MB21D2: variants seen among roughly 807,000 people sequenced by gnomAD.
MB21D2 encodes the protein Mab-21 domain containing 2, also known as nucleotidyltransferase MB21D2.
Under a neutral mutation model 33.3 loss-of-function variants are expected in MB21D2, and 9 were observed. That is an observed-to-expected ratio of 0.27 (90% CI 0.16 to 0.47). The LOEUF (loss-of-function observed/expected upper bound fraction) is 0.47, where lower values mean the gene tolerates loss of function less well. MB21D2 is among the 20% of genes least tolerant of loss of function. MB21D2 has a pLI of 0.99. For synonymous variants in MB21D2, 241 were observed against 236.3 expected, an observed-to-expected ratio of 1.02 and a Z score of -0.18; for missense variants, 540 against 624.6, an observed-to-expected ratio of 0.86 and a Z score of 1.44.
chr3:192,916,215 G>A (rs1165235277), intron 1 of MB21D2, among the ~76,000 whole-genome samples: 2 of 151,752 alleles, frequency 1.3e-5, no homozygotes, highest in Non-Finnish European at 2.9e-5. Context: ...GAAGAGTGCG[G>A]CGCAAAAGGT....
rs117556274 is a variant in MB21D2 at position 192,806,987 on chromosome 3, T to C, written c.212-7337A>G. Among the ~76,000 whole-genome samples the C allele has an allele frequency of 3.7e-4, 56 of 152,256 alleles. No homozygotes were observed. In the East Asian group the frequency reaches 0.01, roughly 27 times the overall value. ...TAGAATAACAACTGGTACAAGTTTG[T>C]TGGGTGGCCACAGGAATAAAATGAG... On this transcript the variant is annotated intron_variant, in intron 1 of 1. Coordinates refer to ENST00000392452, the MANE Select transcript of MB21D2 (RefSeq NM_178496.4).
chr3:192,815,123 C>T (rs978284321), intron 1 of MB21D2, among the ~76,000 whole-genome samples: 2 of 152,122 alleles, frequency 1.3e-5, no homozygotes, highest in African/African-American at 2.4e-5. Flanking sequence ...AGTTAAAATT[C>T]GCTAAGTCTT....
At chr3:192,899,117 G>A (rs1368767715) in intron 1 of MB21D2, among the ~76,000 whole-genome samples, 6 of 152,220 alleles carry the variant, frequency 3.9e-5, no homozygotes, top group African/African-American at 1.4e-4. Context: ...TACCTCACAT[G>A]GTGCCTATCT....
At chr3:192,842,117 G>A (rs907829136) in intron 1 of MB21D2, among the ~76,000 whole-genome samples, 2 of 149,630 alleles carry the variant, frequency 1.3e-5, no homozygotes, top group African/African-American at 5.1e-5. Flanking sequence ...AATAGCTGTT[G>A]TAAAACCAGA....
chr3:192,828,346 T>C (rs1202337042), intron 1 of MB21D2, among the ~76,000 whole-genome samples: 1 of 151,246 alleles, frequency 6.6e-6, no homozygotes. Context: ...GAAATGAAGA[T>C]CAGCACTTGA....
At chr3:192,806,403 A>C (rs571269934) in intron 1 of MB21D2, among the ~76,000 whole-genome samples, 1 of 152,302 alleles carries the variant, frequency 6.6e-6, no homozygotes, top group East Asian at 1.9e-4. Flanking sequence ...CATATCCTGC[A>C]AATAGTATAT....
At chr3:192,826,891 C>CCCT (rs1163048590) in intron 1 of MB21D2, among the ~76,000 whole-genome samples, 1 of 151,704 alleles carries the variant, frequency 6.6e-6, no homozygotes, top group African/African-American at 2.4e-5. Flanking sequence ...TTTTCCCTTT[C>CCCT]CTTCTTTTTT....
intron 1 of MB21D2, among the ~76,000 whole-genome samples, chr3:192,886,189 A>G (rs1713729662): frequency 6.6e-6 from 1 of 151,864 alleles, no homozygotes; most frequent in Non-Finnish European, 1.5e-5. Flanking sequence ...TGAACTCCTG[A>G]CCTCGTGATC....
At chr3:192,907,395 T>C in intron 1 of MB21D2, among the ~76,000 whole-genome samples, 1 of 152,130 alleles carries the variant, frequency 6.6e-6, no homozygotes. Flanking sequence ...ATCCCTCCCT[T>C]GTCTGCGACT....
intron 1 of MB21D2, among the ~76,000 whole-genome samples, chr3:192,837,562 T>C (rs559658878): frequency 6.6e-6 from 1 of 152,328 alleles, no homozygotes; most frequent in East Asian, 1.9e-4. Context: ...GGAGGAATCC[T>C]GTAGCAAACC....
chr3:192,807,727 G>GT (rs1711694537), intron 1 of MB21D2, among the ~76,000 whole-genome samples: 1 of 152,144 alleles, frequency 6.6e-6, no homozygotes, highest in Admixed American at 6.6e-5. Flanking sequence ...TATTCACACA[G>GT]TAAGTATGAG....
At chr3:192,903,364 A>G (rs1714143384) in intron 1 of MB21D2, among the ~76,000 whole-genome samples, 1 of 152,208 alleles carries the variant, frequency 6.6e-6, no homozygotes, top group African/African-American at 2.4e-5. Flanking sequence ...GGAGGGAGGA[A>G]GTCAAGCCAC....
chr3:192,877,372 C>T (rs62293229), intron 1 of MB21D2, among the ~76,000 whole-genome samples: 4 of 142,072 alleles, frequency 2.8e-5, no homozygotes, highest in African/African-American at 1.2e-4. Context: ...AGTTGAACTT[C>T]CAAATAATAA....
chr3:192,814,704 A>C (rs1216437587), intron 1 of MB21D2, among the ~76,000 whole-genome samples: 1 of 151,944 alleles, frequency 6.6e-6, no homozygotes, highest in Non-Finnish European at 1.5e-5. Flanking sequence ...CTACTAAAAA[A>C]AATACAAAAA....
chr3:192,802,303 C>CT (rs1171201718), intron 1 of MB21D2, among the ~76,000 whole-genome samples: 2 of 152,162 alleles, frequency 1.3e-5, no homozygotes, highest in East Asian at 3.8e-4. Flanking sequence ...GCTTCTCCTA[C>CT]TTGAACCTGC....
intron 1 of MB21D2, among the ~76,000 whole-genome samples, chr3:192,827,640 C>G (rs1370366875): frequency 2.0e-5 from 3 of 152,064 alleles, no homozygotes. Context: ...GAAACTAAAA[C>G]CAGGTCTCGC....
intron 1 of MB21D2, among the ~76,000 whole-genome samples, chr3:192,841,064 C>T (rs757250221): frequency 6.6e-6 from 1 of 152,200 alleles, no homozygotes. Context: ...ACCAATCCTT[C>T]CAGGCACCAG....
chr3:192,809,286 G>C (rs747655081), intron 1 of MB21D2, among the ~76,000 whole-genome samples: 41 of 152,186 alleles, frequency 2.7e-4, no homozygotes, highest in Non-Finnish European at 5.7e-4. Context: ...AGTAGAGATG[G>C]GGTTTCACCG....
chr3:192,797,486 C>T lies in MB21D2; in HGVS notation c.*900G>A, dbSNP rs192031873. 2.2e-4 allele frequency: 33 copies of T among 152,642 alleles called. No homozygotes were observed. In the East Asian group the frequency reaches 6.2e-3, roughly 29 times the overall value. 9.5% of individuals were successfully genotyped at this position (152,642 alleles called of 1,614,324 possible). On this transcript the variant is annotated 3_prime_UTR_variant, in exon 2 of 2. Transcript: ENST00000392452. Reference sequence around the variant, plus strand: ...AAGAGGGCAAAGCAGGACCCCACAACTGAAGGAGAACTAAGCAAATGCAAA... The same window carrying T: ...AAGAGGGCAAAGCAGGACCCCACAATTGAAGGAGAACTAAGCAAATGCAAA...
Sources: gnomAD v4.1 joint callset for allele counts (sites outside exome capture counted in the v4.1 genomes callset) on GRCh38, gnomAD v4.1.1 for gene constraint, MANE v1.5 for transcripts, NCBI Gene and HGNC (gene_info 2026-07-23, HGNC 2026-07-21) for gene names.